Variants in PRRX2 observed in about 807,000 individuals in gnomAD.
PRRX2 encodes the protein paired related homeobox 2, also known as paired mesoderm homeobox protein 2.
A neutral mutation model predicts 18.0 loss-of-function variants in PRRX2; 11 were observed. The observed-to-expected ratio is 0.61, with a 90% CI of 0.39 to 1.01. PRRX2 has a LOEUF of 1.01. PRRX2 is among the 50% of genes least tolerant of loss of function. The probability of loss-of-function intolerance (pLI) is 0.01; values close to 1 mark genes in which losing one functional copy is unlikely to be tolerated. For synonymous variants in PRRX2, 177 were observed against 154.8 expected (o/e 1.14, Z -1.06); for missense variants, 387 against 351.0 (o/e 1.10, Z -0.82).
chr9:129,706,718 C>T (rs1339266298), intron 1 of PRRX2, among the ~76,000 whole-genome samples: 1 of 152,044 alleles, frequency 6.6e-6, no homozygotes, highest in African/African-American at 2.4e-5. Flanking sequence ...CAGAGGAAGA[C>T]CATCTCAAAA....
intron 1 of PRRX2, among the ~76,000 whole-genome samples, chr9:129,699,331 G>A (rs1445169059): frequency 6.6e-6 from 1 of 152,108 alleles, no homozygotes; most frequent in Admixed American, 6.5e-5. Context: ...GGCTGAGGTG[G>A]GAGAAACACT....
chr9:129,668,333 G>T (rs1832053695), intron 1 of PRRX2, among the ~76,000 whole-genome samples: 1 of 152,188 alleles, frequency 6.6e-6, no homozygotes, highest in Admixed American at 6.5e-5. Flanking sequence ...GGCTTGCCGG[G>T]ACTGCAGACC....
At chr9:129,710,479 A>T (rs776466365) in intron 1 of PRRX2, among the ~76,000 whole-genome samples, 20 of 152,182 alleles carry the variant, frequency 1.3e-4, no homozygotes, top group Non-Finnish European at 2.5e-4. Context: ...CACACCTGTA[A>T]TCCCAGCACT....
In PRRX2 at chr9:129,719,244, C is replaced by A; in HGVS notation, c.273C>A (p.Ser91Arg). ...EAAPQDGECP[S>R]PGRGSAAKRK... Reference sequence around the variant, plus strand: ...CAACCTCCGCAGGTGAGTGTCCCAGCCCGGGGCGCGGTAGCGCCGCCAAGC... The same window carrying A: ...CAACCTCCGCAGGTGAGTGTCCCAGACCGGGGCGCGGTAGCGCCGCCAAGC... Residue 91 changes from serine to arginine, a missense_variant, in exon 2 of 4, where the codon AGC becomes AGA. By Grantham distance (110) the Ser-to-Arg change is moderately radical. Transcript: ENST00000372469. The A allele has an allele frequency of 1.3e-6, 2 of 1,595,964 alleles. No individual in the cohort carries two copies. Among genetic ancestry groups the A allele is most frequent in the Admixed American group, 1.7e-5 (1 of 58,036 alleles).
At chr9:129,670,678 C>G (rs1225554285) in intron 1 of PRRX2, among the ~76,000 whole-genome samples, 1 of 152,150 alleles carries the variant, frequency 6.6e-6, no homozygotes, top group Non-Finnish European at 1.5e-5. Flanking sequence ...CCCGGCCCTA[C>G]CTTTAAATGT....
chr9:129,711,234 A>G (rs1588173900), intron 1 of PRRX2, among the ~76,000 whole-genome samples: 1 of 151,968 alleles, frequency 6.6e-6, no homozygotes, highest in African/African-American at 2.4e-5. Context: ...CTGAGTTCCA[A>G]TCCCAGCTCT....
At chr9:129,701,266 G>A (rs1224271317) in intron 1 of PRRX2, among the ~76,000 whole-genome samples, 4 of 152,206 alleles carry the variant, frequency 2.6e-5, no homozygotes, top group South Asian at 2.1e-4. Context: ...CGCTCACAGC[G>A]GGAAGCAGTC....
intron 1 of PRRX2, among the ~76,000 whole-genome samples, chr9:129,679,720 G>A (rs889694165): frequency 3.3e-5 from 5 of 152,178 alleles, no homozygotes; most frequent in Non-Finnish European, 5.9e-5. Flanking sequence ...GCTGCTGAAC[G>A]AAACCAGAGG....
intron 1 of PRRX2, among the ~76,000 whole-genome samples, chr9:129,684,523 CCCACACACA>C (rs1244770497): frequency 0.017 from 732 of 43,124 alleles, 11 homozygotes; most frequent in African/African-American, 0.054. Context: ...CACACACACA[CCCACACACA>C]CCCCAACAGA....
At chr9:129,705,298 G>T (rs1427590727) in intron 1 of PRRX2, among the ~76,000 whole-genome samples, 1 of 152,216 alleles carries the variant, frequency 6.6e-6, no homozygotes, top group African/African-American at 2.4e-5. Flanking sequence ...TATGAGGGGA[G>T]GCTCCTGCTA....
intron 1 of PRRX2, among the ~76,000 whole-genome samples, chr9:129,705,745 C>A (rs993533542): frequency 1.3e-5 from 2 of 152,116 alleles, no homozygotes; most frequent in Non-Finnish European, 2.9e-5. Flanking sequence ...CGTTAGCCTG[C>A]TGCTGTGACC....
At chr9:129,717,923 G>A (rs1242409112) in intron 1 of PRRX2, among the ~76,000 whole-genome samples, 4 of 152,194 alleles carry the variant, frequency 2.6e-5, no homozygotes, top group African/African-American at 9.7e-5. Flanking sequence ...AAGTGCTGGA[G>A]GGAAGGGGGT....
intron 1 of PRRX2, among the ~76,000 whole-genome samples, chr9:129,687,592 CA>C (rs1832312321): frequency 6.6e-6 from 1 of 152,244 alleles, no homozygotes; most frequent in Non-Finnish European, 1.5e-5. Flanking sequence ...GCGCCTGGCA[CA>C]AGGGTGGTGC....
chr9:129,701,841 T>C (rs1832501663), intron 1 of PRRX2, among the ~76,000 whole-genome samples: 1 of 152,218 alleles, frequency 6.6e-6, no homozygotes, highest in South Asian at 2.1e-4. Context: ...GGCTCACGCC[T>C]GTAATCCCAC....
At chr9:129,717,817 C>T (rs1832732676) in intron 1 of PRRX2, among the ~76,000 whole-genome samples, 1 of 151,770 alleles carries the variant, frequency 6.6e-6, no homozygotes, top group Non-Finnish European at 1.5e-5. Context: ...GTTACTGTGA[C>T]AAGCAGTGTG....
intron 1 of PRRX2, among the ~76,000 whole-genome samples, chr9:129,667,034 G>A (rs746014909): frequency 9.2e-5 from 14 of 152,212 alleles, no homozygotes; most frequent in Non-Finnish European, 1.9e-4. Flanking sequence ...GCCCAGGCTG[G>A]TGGCTGCGTT....
Position 129,665,877 on chromosome 9 carries a change from G to C in PRRX2, c.10G>C (p.Ala4Pro). The C allele has an allele frequency of 9.4e-7, 1 of 1,068,188 alleles. No individual in the cohort carries two copies. Among genetic ancestry groups the C allele is most frequent in the Non-Finnish European group, 1.1e-6 (1 of 888,830 alleles). 66.2% of individuals were successfully genotyped at this position (1,068,188 alleles called of 1,614,324 possible). ...GGGGCCGCTCGCGGGCATGGACAGC[G>C]CGGCCGCCGCCTTCGCCCTGGACAA... MDS[A>P]AAAFALDKPA... The change falls in exon 1 of 4, where the codon GCG becomes CCG. Residue 4 changes from alanine to proline, a missense_variant. Ala to Pro is a conservative substitution (Grantham distance 27). Coordinates refer to ENST00000372469, the MANE Select transcript of PRRX2 (RefSeq NM_016307.4). The surrounding 1 kb of genome is among the most constrained non-coding windows in gnomAD (Gnocchi z 5.3).
chr9:129,685,765 G>A (rs1485461212), intron 1 of PRRX2, among the ~76,000 whole-genome samples: 1 of 152,242 alleles, frequency 6.6e-6, no homozygotes, highest in Non-Finnish European at 1.5e-5. Flanking sequence ...TAAGGGCGTG[G>A]TTTGTGAGTC....
At chr9:129,703,972 G>T (rs555396595) in intron 1 of PRRX2, among the ~76,000 whole-genome samples, 1 of 152,346 alleles carries the variant, frequency 6.6e-6, no homozygotes, top group East Asian at 1.9e-4. Flanking sequence ...GGCTGGCCAG[G>T]GGACCCCAAG....
Sources: gnomAD v4.1 joint callset for allele counts (sites outside exome capture counted in the v4.1 genomes callset) on GRCh38, gnomAD v4.1.1 for gene constraint, Gnocchi (gnomAD v3.1) non-coding constraint, MANE v1.5 for transcripts, NCBI Gene and HGNC (gene_info 2026-07-23, HGNC 2026-07-21) for gene names.